RASGRF2: variants seen among roughly 807,000 people sequenced by gnomAD.
RASGRF2 encodes ras-specific guanine nucleotide-releasing factor 2.
A neutral mutation model predicts 151.0 loss-of-function variants in RASGRF2; 76 were observed. That is an observed-to-expected ratio of 0.50 (90% confidence interval 0.42 to 0.61). The LOEUF (loss-of-function observed/expected upper bound fraction) is 0.61. RASGRF2 is among the 20% of genes least tolerant of loss of function. RASGRF2 has a pLI of 0.00. For synonymous variants in RASGRF2, 504 were observed against 566.5 expected (o/e 0.89, Z 1.57); for missense variants, 1,148 against 1,564.6 (o/e 0.73, Z 4.49).
intron 1 of RASGRF2, among the ~76,000 whole-genome samples, chr5:80,992,282 A>C (rs1417319873): frequency 7.3e-6 from 1 of 136,480 alleles, no homozygotes; most frequent in African/African-American, 2.7e-5. Context: ...CTGCCTCTTA[A>C]GGTCTGAATG....
intron 18 of RASGRF2, among the ~76,000 whole-genome samples, chr5:81,197,530 C>T (rs907806444): frequency 2.1e-5 from 3 of 145,950 alleles, no homozygotes; most frequent in African/African-American, 7.6e-5. Flanking sequence ...TGCCACCCAA[C>T]TGAGGTACAA....
intron 2 of RASGRF2, among the ~76,000 whole-genome samples, chr5:81,043,230 A>G (rs543912519): frequency 3.9e-5 from 6 of 152,354 alleles, no homozygotes; most frequent in African/African-American, 1.4e-4. Flanking sequence ...ATTTCTTCCT[A>G]TGTGCCAAGC....
chr5:80,995,379 C>CATATATATATATATATAT (rs751207758), intron 1 of RASGRF2, among the ~76,000 whole-genome samples: 31 of 132,316 alleles, frequency 2.3e-4, no homozygotes, highest in African/African-American at 7.2e-4. Context: ...AATGGAATTT[C>CATATATATATATATATAT]ATATATATAT....
Position 81,215,947 on chromosome 5 carries a change from C to A in RASGRF2, c.3426C>A (p.Thr1142=). Residue 1142 remains threonine, a synonymous_variant, in exon 24 of 27, where the codon ACC becomes ACA. Transcript: ENST00000265080. ...SEGRFKNLRE[T]LKNCNPPAVP... is the part of the protein sequence containing the mutation. ...GAAGATTTAAAAATCTTAGAGAAAC[C>A]CTTAAAAAGTATGTCTATCTTAATT... 3 of 1,528,424 alleles carry A rather than the reference C, an allele frequency of 2.0e-6. No individual in the cohort carries two copies. Among genetic ancestry groups the A allele is most frequent in the Admixed American group, 2.3e-5 (1 of 43,144 alleles). The allele number at this position is 1,528,424 out of a possible 1,614,324, so 94.7% of individuals were successfully genotyped here.
chr5:81,166,341 C>T (rs542191527), intron 17 of RASGRF2, among the ~76,000 whole-genome samples: 90 of 152,114 alleles, frequency 5.9e-4, no homozygotes, highest in African/African-American at 2.1e-3. Flanking sequence ...GCGCGTGCCA[C>T]GACACCTGGC....
intron 22 of RASGRF2, among the ~76,000 whole-genome samples, chr5:81,211,445 C>T (rs952824772): frequency 4.6e-5 from 7 of 152,202 alleles, no homozygotes; most frequent in African/African-American, 9.7e-5. Flanking sequence ...ACTTCTTCAT[C>T]GAAATTACTG....
chr5:81,215,211 C>A (rs970340767), intron 23 of RASGRF2, among the ~76,000 whole-genome samples: 3 of 151,320 alleles, frequency 2.0e-5, no homozygotes, highest in Non-Finnish European at 4.4e-5. Flanking sequence ...TGGTGGCATG[C>A]GCCTGTAAAT....
chr5:80,972,330 C>G (rs1580153669), intron 1 of RASGRF2, among the ~76,000 whole-genome samples: 1 of 152,322 alleles, frequency 6.6e-6, no homozygotes, highest in Admixed American at 6.5e-5. Flanking sequence ...CAGTTACTTT[C>G]CAACCTTGCC....
chr5:81,168,564 G>A (rs1228152388), intron 17 of RASGRF2, among the ~76,000 whole-genome samples: 1 of 152,106 alleles, frequency 6.6e-6, no homozygotes, highest in African/African-American at 2.4e-5. Context: ...ACCCACCTCA[G>A]CCTCCCAAAG....
intron 17 of RASGRF2, among the ~76,000 whole-genome samples, chr5:81,130,739 A>AGCACCT (rs1610932): frequency 1.3e-5 from 2 of 151,326 alleles, no homozygotes; most frequent in African/African-American, 4.9e-5. Flanking sequence ...GGATGCATCC[A>AGCACCT]GGTGAGTTGC....
intron 1 of RASGRF2, among the ~76,000 whole-genome samples, chr5:80,996,775 T>C (rs1748898351): frequency 1.3e-5 from 2 of 151,050 alleles, no homozygotes; most frequent in Non-Finnish European, 1.5e-5. Flanking sequence ...AATTTTTGTC[T>C]TTTTAGTGGA....
intron 2 of RASGRF2, among the ~76,000 whole-genome samples, chr5:81,053,054 G>T (rs1046639200): frequency 6.6e-6 from 1 of 152,002 alleles, no homozygotes; most frequent in Non-Finnish European, 1.5e-5. Flanking sequence ...AAGAAAGTAT[G>T]ATAATTACTT....
Position 81,226,068 on chromosome 5 carries a change from C to T in RASGRF2, c.*298C>T, listed in dbSNP as rs986838359. 5.6e-5 allele frequency: 14 copies of T among 250,008 alleles called. No individual in the cohort carries two copies. Among genetic ancestry groups the T allele is most frequent in the African/African-American group, 2.3e-5 (1 of 44,086 alleles). The allele number at this position is 250,008 out of a possible 1,614,324, so 15.5% of individuals were successfully genotyped here. A position where few individuals can be genotyped will look rare whatever the true frequency, so the allele number is the denominator to read the frequency against. On this transcript the variant is annotated 3_prime_UTR_variant, in exon 27 of 27. Transcript: ENST00000265080. ...TGCCATTTTAACAAAGCAGGTAAATCGGTAAATTTTAAACTCTGTCCATGT... is the reference window on the plus strand; with the variant it reads ...TGCCATTTTAACAAAGCAGGTAAATTGGTAAATTTTAAACTCTGTCCATGT...
intron 1 of RASGRF2, among the ~76,000 whole-genome samples, chr5:80,993,509 G>A (rs1748721242): frequency 6.6e-6 from 1 of 152,140 alleles, no homozygotes; most frequent in South Asian, 2.1e-4. Flanking sequence ...TTGTCTCAAA[G>A]CCCTCTGTAG....
intron 18 of RASGRF2, among the ~76,000 whole-genome samples, chr5:81,185,172 G>A: frequency 6.6e-6 from 1 of 152,220 alleles, no homozygotes; most frequent in South Asian, 2.1e-4. Flanking sequence ...GATTTCCAGA[G>A]AGAGGCATCT....
rs565059227 is a variant in RASGRF2 at position 81,170,088 on chromosome 5, C to T, written c.2687-10087C>T. 3.3e-5 allele frequency among the ~76,000 whole-genome samples: 5 copies of T among 152,140 alleles called. No homozygotes were observed. The South Asian group carries it at 1.0e-3, about 32-fold the overall frequency. ...CTGTTATCATCCACACCACCTGCAT[C>T]ACCCGCACCACATGTATCACCCATA... On this transcript the variant is annotated intron_variant, in intron 17 of 26. Transcript: ENST00000265080.
At chr5:81,036,611 C>G (rs1237790866) in intron 1 of RASGRF2, among the ~76,000 whole-genome samples, 1 of 152,028 alleles carries the variant, frequency 6.6e-6, no homozygotes, top group South Asian at 2.1e-4. Flanking sequence ...CCACTCTTAA[C>G]TATAATTTTT....
At chr5:81,146,502 CTAG>C (rs1193851654) in intron 17 of RASGRF2, among the ~76,000 whole-genome samples, 1 of 146,018 alleles carries the variant, frequency 6.8e-6, no homozygotes, top group Non-Finnish European at 1.5e-5. Flanking sequence ...TGGAAAGAAA[CTAG>C]TAAATTCCTC....
intron 17 of RASGRF2, among the ~76,000 whole-genome samples, chr5:81,148,751 T>C (rs897761399): frequency 1.3e-5 from 2 of 151,742 alleles, no homozygotes; most frequent in Non-Finnish European, 1.5e-5. Flanking sequence ...TGCAGCACAC[T>C]AGCATGGCAC....
Sources: allele counts gnomAD v4.1 joint callset (sites outside exome capture counted in the v4.1 genomes callset), GRCh38; gene constraint gnomAD v4.1.1; transcripts MANE v1.5; gene names NCBI Gene and HGNC (gene_info 2026-07-23, HGNC 2026-07-21).